MCFD2: variants seen among roughly 807,000 people sequenced by gnomAD.
MCFD2 encodes multiple coagulation factor deficiency 2, ER cargo receptor complex subunit.
In MCFD2, 11 loss-of-function variants were observed where a neutral mutation model predicts 12.8. The observed-to-expected ratio is 0.86, with a 90% confidence interval of 0.54 to 1.42. MCFD2 has a LOEUF of 1.42. Ranked by LOEUF, MCFD2 falls within the 40% of genes most tolerant of loss-of-function variation. The pLI, the probability that MCFD2 is intolerant of heterozygous loss-of-function variation, is 0.00. For missense variants in MCFD2, 191 were observed against 178.6 expected, an observed-to-expected ratio of 1.07 and a Z score of -0.40; for synonymous variants, 70 against 68.1, an observed-to-expected ratio of 1.03 and a Z score of -0.14.
In MCFD2 at chr2:46,907,609, G is replaced by T. The variant is rs1420510629; in HGVS notation, c.309+201C>A. On this transcript the variant is annotated intron_variant, in intron 3 of 3. Transcript: ENST00000319466. The surrounding 1 kb of genome is among the most constrained non-coding windows in gnomAD (Gnocchi z 4.1). Reference sequence around the variant, plus strand: ...GACAGGGTCTCACTATATTGCCAAGGCTGGTCTTGAACTCCTGGCTCAAGT... The same window carrying T: ...GACAGGGTCTCACTATATTGCCAAGTCTGGTCTTGAACTCCTGGCTCAAGT... 1.6e-6 allele frequency: 1 copy of T among 622,714 alleles called. No homozygotes were observed. The highest frequency in any genetic ancestry group is 2.9e-6 in the Non-Finnish European group (1 of 347,990). The allele number at this position is 622,714 out of a possible 1,614,324, so 38.6% of individuals were successfully genotyped here.
Position 46,904,352 on chromosome 2 carries a change from C to G in MCFD2, c.*1111G>C, listed in dbSNP as rs181922575. On this transcript the variant is annotated 3_prime_UTR_variant, in exon 4 of 4. Transcript: ENST00000319466. The stretch of plus-strand genomic sequence containing the variant: ...GAAGAGGGCCACCGTCCTCCAGACC[C>G]CAGAATGGTAGATCCACCAACAGCT... 4.4e-3 allele frequency: 687 copies of G among 155,928 alleles called. 1 individual carries two copies. The highest frequency in any genetic ancestry group is 6.0e-3 in the Admixed American group (92 of 15,352). 9.7% of individuals were successfully genotyped at this position (155,928 alleles called of 1,614,324 possible). A position where few individuals can be genotyped will look rare whatever the true frequency, so the allele number is the denominator to read the frequency against.
intron 1 of MCFD2, among the ~76,000 whole-genome samples, chr2:46,923,754 C>T (rs1043219447): frequency 4.6e-5 from 7 of 151,232 alleles, no homozygotes; most frequent in African/African-American, 1.7e-4. Flanking sequence ...TTTTTGGAGA[C>T]AAAGTCTCAC....
rs377265883 is a variant in MCFD2 at position 46,909,008 on chromosome 2, G to A, written c.149+15C>T. On this transcript the variant is annotated intron_variant, in intron 2 of 3. Transcript: ENST00000319466. ...TGGGGAGGCCACTGGACCACAGCCC[G>A]GGCTGAATACGTACTCTTGGTCGTG... 41 of 1,613,996 alleles carry A rather than the reference G, an allele frequency of 2.5e-5. No homozygotes were observed. Among genetic ancestry groups the A allele is most frequent in the African/African-American group, 9.3e-5 (7 of 74,922 alleles).
intron 1 of MCFD2, among the ~76,000 whole-genome samples, chr2:46,939,350 C>T (rs1670140218): frequency 6.6e-6 from 1 of 152,104 alleles, no homozygotes; most frequent in Non-Finnish European, 1.5e-5. Context: ...AGTTTTTTTA[C>T]ACCCCTGAGA....
In MCFD2 at chr2:46,908,784, A is replaced by G. The variant is rs1668354109; in HGVS notation, c.149+239T>C. 5.3e-6 allele frequency: 3 copies of G among 564,494 alleles called. No homozygotes were observed. Among genetic ancestry groups the G allele is most frequent in the East Asian group, 6.2e-5 (2 of 32,398 alleles). 35.0% of individuals were successfully genotyped at this position (564,494 alleles called of 1,614,324 possible). ...CTGTCTGTGGTGAAAAAAAGGAGAGACCGGATTCAGACAAGTAATGTGCCC... is the reference window on the plus strand; with the variant it reads ...CTGTCTGTGGTGAAAAAAAGGAGAGGCCGGATTCAGACAAGTAATGTGCCC... On this transcript the variant is annotated intron_variant, in intron 2 of 3. Transcript: ENST00000319466. The surrounding 1 kb of genome is among the most constrained non-coding windows in gnomAD (Gnocchi z 4.5).
At position 46,908,267 on chromosome 2, in the gene MCFD2, T is replaced by TTC; in HGVS notation, c.150-299_150-298insGA. The TTC allele has an allele frequency of 2.8e-6, 1 of 362,426 alleles. No individual in the cohort carries two copies. Among genetic ancestry groups the TTC allele is most frequent in the East Asian group, 6.5e-5 (1 of 15,270 alleles). 22.5% of individuals were successfully genotyped at this position (362,426 alleles called of 1,614,324 possible). Reference sequence around the variant, plus strand: ...TTTAAAAATATGTCCTTTAAAACTTTTTTTTTTTTTTGAGACAGGGTCTCA... The same window carrying TTC: ...TTTAAAAATATGTCCTTTAAAACTTTTCTTTTTTTTTTTGAGACAGGGTCTCA... On this transcript the variant is annotated intron_variant, in intron 2 of 3. Coordinates refer to ENST00000319466, the MANE Select transcript of MCFD2 (RefSeq NM_139279.6). The surrounding 1 kb of genome is among the most constrained non-coding windows in gnomAD (Gnocchi z 4.5).
At chr2:46,911,361 CAG>C in intron 1 of MCFD2, among the ~76,000 whole-genome samples, 1 of 151,572 alleles carries the variant, frequency 6.6e-6, no homozygotes, top group African/African-American at 2.4e-5. Flanking sequence ...CTCCAGACCT[CAG>C]GTGATCCACC....
chr2:46,904,572 C>G lies in MCFD2; in HGVS notation c.*891G>C, dbSNP rs1168214668. 1 of 152,228 alleles carries G rather than the reference C, an allele frequency of 6.6e-6. No homozygotes were observed. Among genetic ancestry groups the G allele is most frequent in the Non-Finnish European group, 1.5e-5 (1 of 68,054 alleles). 9.4% of individuals were successfully genotyped at this position (152,228 alleles called of 1,614,324 possible). A position where few individuals can be genotyped will look rare whatever the true frequency, so the allele number is the denominator to read the frequency against. On this transcript the variant is annotated 3_prime_UTR_variant, in exon 4 of 4. Transcript: ENST00000319466. ...TCTGGAACTTTAAAATTTGACAGCC[C>G]TGCTGGATTTCGGACTTGCATGGGC...
intron 1 of MCFD2, among the ~76,000 whole-genome samples, chr2:46,927,873 G>GT (rs1168058653): frequency 1.5e-5 from 2 of 135,910 alleles, no homozygotes; most frequent in Non-Finnish European, 1.6e-5. Context: ...TAATATTGGG[G>GT]TTTTTTTGGT....
chr2:46,934,440 G>A (rs945120178), intron 1 of MCFD2, among the ~76,000 whole-genome samples: 1 of 152,078 alleles, frequency 6.6e-6, no homozygotes, highest in Non-Finnish European at 1.5e-5. Flanking sequence ...TGTATTTTTA[G>A]TAGAGACAGG....
At chr2:46,921,835 C>T (rs930463848) in intron 1 of MCFD2, among the ~76,000 whole-genome samples, 1 of 152,146 alleles carries the variant, frequency 6.6e-6, no homozygotes, top group Non-Finnish European at 1.5e-5. Flanking sequence ...GTAGGGTTCG[C>T]GTTCCTGTGA....
Position 46,914,632 on chromosome 2 carries a change from A to T in MCFD2, c.-7+1091T>A, listed in dbSNP as rs1190156150. Among the ~76,000 whole-genome samples, 8 of 152,366 alleles carry T rather than the reference A, an allele frequency of 5.3e-5. No homozygotes were observed. The East Asian group carries it at 1.2e-3, about 22-fold the overall frequency. ...AACAGCACAAGGTACTGAAGATAGT[A>T]CTATGACCTCGACAAACTCCTCTCA... On this transcript the variant is annotated intron_variant, in intron 1 of 3. Coordinates refer to ENST00000319466, the MANE Select transcript of MCFD2 (RefSeq NM_139279.6).
Position 46,905,272 on chromosome 2 carries a change from CTAT to C in MCFD2, c.*188_*190del. ...TAAGGTATTTAATAGCACTTAGGGA[CTAT>C]TAGATGTCCCATTTCTCTTCTCTTT... On this transcript the variant is annotated 3_prime_UTR_variant, in exon 4 of 4. Coordinates refer to ENST00000319466, the MANE Select transcript of MCFD2 (RefSeq NM_139279.6). The C allele has an allele frequency of 1.5e-6, 1 of 648,808 alleles. No homozygotes were observed. Among genetic ancestry groups the C allele is most frequent in the South Asian group, 1.7e-5 (1 of 59,238 alleles). The allele number at this position is 648,808 out of a possible 1,614,324, so 40.2% of individuals were successfully genotyped here.
At chr2:46,923,534 G>A (rs1669219021) in intron 1 of MCFD2, among the ~76,000 whole-genome samples, 1 of 152,176 alleles carries the variant, frequency 6.6e-6, no homozygotes, top group Non-Finnish European at 1.5e-5. Flanking sequence ...ATATGTGAAA[G>A]TATCAGACCT....
At chr2:46,906,310 C>G (rs1668230900) in intron 3 of MCFD2, among the ~76,000 whole-genome samples, 1 of 152,122 alleles carries the variant, frequency 6.6e-6, no homozygotes, top group African/African-American at 2.4e-5. Flanking sequence ...CTAAACAATG[C>G]CATTCTCCTG....
rs1233946812 is a variant in MCFD2 at position 46,941,181 on chromosome 2, G to C, written c.-8+391C>G. ...CCGCGGGGGTGGAGCCGCGGCCAGGGGCGGGTCCGCAGCTGGCGGCGCCGG... is the reference window on the plus strand; with the variant it reads ...CCGCGGGGGTGGAGCCGCGGCCAGGCGCGGGTCCGCAGCTGGCGGCGCCGG... On this transcript the variant is annotated intron_variant, in intron 1 of 2. Coordinates refer to the MCFD2 transcript ENST00000409147. This position sits in a 1 kb window ranked among gnomAD's most constrained non-coding sequence, Gnocchi z 4.2. The C allele has an allele frequency of 6.8e-6, 1 of 147,838 alleles. No homozygotes were observed. The highest frequency in any genetic ancestry group is 2.0e-4 in the East Asian group (1 of 5,082). The allele number at this position is 147,838 out of a possible 1,614,324, so 9.2% of individuals were successfully genotyped here.
intron 1 of MCFD2, among the ~76,000 whole-genome samples, chr2:46,933,253 G>A (rs1450450054): frequency 1.3e-5 from 2 of 152,156 alleles, no homozygotes; most frequent in East Asian, 1.9e-4. Context: ...ATGGTGGGAG[G>A]GAGGGCAGTG....
chr2:46,916,875 C>T (rs1461594980), upstream of MCFD2, among the ~76,000 whole-genome samples: 3 of 152,100 alleles, frequency 2.0e-5, no homozygotes, highest in Non-Finnish European at 4.4e-5. Context: ...CCTCTTGATC[C>T]TCCCGCCTCA....
At chr2:46,934,958 G>A (rs555355953) in intron 1 of MCFD2, among the ~76,000 whole-genome samples, 1 of 151,680 alleles carries the variant, frequency 6.6e-6, no homozygotes, top group East Asian at 1.9e-4. Flanking sequence ...GCACCACCAC[G>A]TCCAGCTAAT....
Sources: allele counts gnomAD v4.1 joint callset (sites outside exome capture counted in the v4.1 genomes callset), GRCh38; gene constraint gnomAD v4.1.1; non-coding constraint Gnocchi (gnomAD v3.1); transcripts MANE v1.5; gene names NCBI Gene and HGNC (gene_info 2026-07-23, HGNC 2026-07-21).